NXPE2: variants seen among roughly 807,000 people sequenced by gnomAD.
NXPE2 encodes the protein NXPE family member 2.
Under a neutral mutation model 34.4 loss-of-function variants are expected in NXPE2, and 34 were observed. That is an observed-to-expected ratio of 0.99 (90% confidence interval 0.75 to 1.31). The LOEUF (loss-of-function observed/expected upper bound fraction) is 1.31. NXPE2 is among the 40% of genes most tolerant of loss of function. NXPE2 has a pLI of 0.00. For missense variants in NXPE2, 649 were observed against 672.5 expected, an observed-to-expected ratio of 0.97 and a Z score of 0.39; for synonymous variants, 235 against 231.3, an observed-to-expected ratio of 1.02 and a Z score of -0.15.
chr11:114,618,495 C>T, the NXPE2 span, among the ~76,000 whole-genome samples: 22 of 151,998 alleles, frequency 1.4e-4, no homozygotes, highest in African/African-American at 3.6e-4. Context: ...AGTGTTGCCT[C>T]GTAGGTAACC....
the NXPE2 span, among the ~76,000 whole-genome samples, chr11:114,806,843 C>T: frequency 0.95 from 141,574 of 148,904 alleles, 67,591 homozygotes; most frequent in Middle Eastern, 1. Context: ...ACAGAGAACG[C>T]CACAAAGATA....
chr11:114,614,088 GGTTTATAA>G, the NXPE2 span, among the ~76,000 whole-genome samples: 1 of 147,382 alleles, frequency 6.8e-6, no homozygotes, highest in South Asian at 2.2e-4. Flanking sequence ...ACTGATACCT[GGTTTATAA>G]TAAGTGTTGC....
the NXPE2 span, among the ~76,000 whole-genome samples, chr11:114,624,294 C>G: frequency 6.6e-6 from 1 of 151,990 alleles, no homozygotes; most frequent in Non-Finnish European, 1.5e-5. Context: ...ACCACTGTTA[C>G]CCGGTGGATA....
At chr11:114,625,168 C>G in the NXPE2 span, among the ~76,000 whole-genome samples, 3 of 152,156 alleles carry the variant, frequency 2.0e-5, no homozygotes, top group Admixed American at 1.3e-4. Flanking sequence ...TGGGTAACCA[C>G]TGTTACCCAG....
At chr11:114,734,313 AAAAGCTCTG>A in the NXPE2 span, among the ~76,000 whole-genome samples, 2 of 152,230 alleles carry the variant, frequency 1.3e-5, no homozygotes, top group Non-Finnish European at 1.5e-5. Flanking sequence ...CTTATAATTT[AAAAGCTCTG>A]CTATTTGCTA....
chr11:114,802,323 T>A, the NXPE2 span, among the ~76,000 whole-genome samples: 9 of 152,222 alleles, frequency 5.9e-5, no homozygotes, highest in African/African-American at 2.2e-4. Context: ...GTAGTCTTCA[T>A]TACAGAATTT....
At chr11:114,640,729 T>C in the NXPE2 span, among the ~76,000 whole-genome samples, 1 of 152,038 alleles carries the variant, frequency 6.6e-6, no homozygotes, top group African/African-American at 2.4e-5. Context: ...ATTTTTTATA[T>C]GTTTGTTGGT....
At chr11:114,734,646 T>C in the NXPE2 span, among the ~76,000 whole-genome samples, 7 of 152,190 alleles carry the variant, frequency 4.6e-5, no homozygotes, top group African/African-American at 9.7e-5. Flanking sequence ...TTACTTAGTT[T>C]CATAATTATA....
intron 2 of NXPE2, among the ~76,000 whole-genome samples, chr11:114,695,901 C>A (rs979300880): frequency 6.7e-6 from 1 of 149,334 alleles, no homozygotes; most frequent in Non-Finnish European, 1.5e-5. Flanking sequence ...ACCTGTAATC[C>A]CAGCTACTCA....
intron 2 of NXPE2, 96 bp from the exon 3 acceptor site, chr11:114,697,949 A>C: frequency 8.7e-7 from 1 of 1,144,058 alleles, no homozygotes; most frequent in Non-Finnish European, 1.2e-6. Flanking sequence ...TTAATTTATC[A>C]CACTGAAAGA....
the NXPE2 span, among the ~76,000 whole-genome samples, chr11:114,639,497 A>G: frequency 6.6e-6 from 1 of 150,834 alleles, no homozygotes; most frequent in African/African-American, 2.4e-5. Flanking sequence ...ACTGTCTGGC[A>G]CTCCCTAGTG....
At chr11:114,636,846 G>A in the NXPE2 span, among the ~76,000 whole-genome samples, 1 of 152,044 alleles carries the variant, frequency 6.6e-6, no homozygotes, top group Non-Finnish European at 1.5e-5. Context: ...TATAATTTCT[G>A]TTCTTTTACA....
At chr11:114,744,439 T>G in the NXPE2 span, among the ~76,000 whole-genome samples, 1 of 35,154 alleles carries the variant, frequency 2.8e-5, no homozygotes, top group East Asian at 9.9e-4. Flanking sequence ...ATGACATTTA[T>G]TGTTGATACT....
At chr11:114,582,796 G>A in the NXPE2 span, 19 of 1,614,112 alleles carry the variant, frequency 1.2e-5, no homozygotes, top group Admixed American at 1.7e-5. Flanking sequence ...TACGTATCTC[G>A]AGGGTTGAGG....
the NXPE2 span, among the ~76,000 whole-genome samples, chr11:114,585,618 T>A: frequency 6.6e-6 from 1 of 152,048 alleles, no homozygotes; most frequent in Non-Finnish European, 1.5e-5. Flanking sequence ...TGTATATATA[T>A]GTATATACAT....
chr11:114,761,713 A>G, the NXPE2 span, among the ~76,000 whole-genome samples: 1 of 151,610 alleles, frequency 6.6e-6, no homozygotes, highest in East Asian at 2.0e-4. Flanking sequence ...AGCTGGGACT[A>G]CAGGCGCCCG....
Position 114,678,571 on chromosome 11 carries a change from A to T in NXPE2, c.-5A>T, listed in dbSNP as rs986954538. The T allele has an allele frequency of 1.3e-6, 2 of 1,547,722 alleles. No individual in the cohort carries two copies. Among genetic ancestry groups the T allele is most frequent in the Non-Finnish European group, 1.7e-6 (2 of 1,143,352 alleles). On this transcript the variant is annotated 5_prime_UTR_variant, in exon 1 of 6. Transcript: ENST00000389586. ...ACACTATAATTCCTGTGAGAACACG[A>T]GAAGATGGTGGAGAAAATACTCATC... is the stretch of plus-strand genomic sequence containing the variant.
chr11:114,577,348 A>G, the NXPE2 span, among the ~76,000 whole-genome samples: 3 of 151,742 alleles, frequency 2.0e-5, no homozygotes, highest in Admixed American at 6.6e-5. Flanking sequence ...GAACTAAGCT[A>G]TGAGGACGCA....
chr11:114,702,649 G>A (rs979286930), intron 3 of NXPE2, among the ~76,000 whole-genome samples: 3 of 152,176 alleles, frequency 2.0e-5, no homozygotes, highest in Admixed American at 6.6e-5. Context: ...GAAAATTTAG[G>A]CATATTAAAT....
Sources: gnomAD v4.1 joint callset for allele counts (sites outside exome capture counted in the v4.1 genomes callset) on GRCh38, gnomAD v4.1.1 for gene constraint, MANE v1.5 for transcripts, NCBI Gene and HGNC (gene_info 2026-07-23, HGNC 2026-07-21) for gene names.